Variants in SLC35F2 observed in about 807,000 individuals in gnomAD.
SLC35F2 encodes queuine/queuosine transporter SLC35F2.
In SLC35F2, 25 loss-of-function variants were observed where a neutral mutation model predicts 38.1. That is an observed-to-expected ratio of 0.66 (90% CI 0.48 to 0.92). SLC35F2 has a LOEUF of 0.92. SLC35F2 is among the 40% of genes least tolerant of loss of function. SLC35F2 has a pLI of 0.00. For missense variants in SLC35F2, 409 were observed against 452.9 expected (o/e 0.90, Z 0.88); for synonymous variants, 173 against 181.7 (o/e 0.95, Z 0.38).
chr11:107,794,083 C>CTTTT (rs10664346), intron 7 of SLC35F2, among the ~76,000 whole-genome samples: 1 of 137,978 alleles, frequency 7.2e-6, no homozygotes, highest in African/African-American at 2.7e-5. Flanking sequence ...TGTATTTTTT[C>CTTTT]TTTTTTTTTT....
intron 1 of SLC35F2, among the ~76,000 whole-genome samples, chr11:107,858,166 C>G (rs1309773300): frequency 6.6e-6 from 1 of 152,198 alleles, no homozygotes; most frequent in Non-Finnish European, 1.5e-5. Context: ...TGGTCTCCCA[C>G]CCGGCAGCAG....
At chr11:107,813,299 G>T (rs779484381) in intron 2 of SLC35F2, among the ~76,000 whole-genome samples, 1 of 152,008 alleles carries the variant, frequency 6.6e-6, no homozygotes, top group Non-Finnish European at 1.5e-5. Context: ...ACAAAAATTA[G>T]CTGGGCGTGG....
chr11:107,856,924 GGAA>G (rs1860297900), intron 1 of SLC35F2, among the ~76,000 whole-genome samples: 1 of 110,296 alleles, frequency 9.1e-6, no homozygotes, highest in Non-Finnish European at 1.9e-5. Context: ...AGGGAGGGAG[GGAA>G]AAGAGGGAAG....
In SLC35F2 at chr11:107,858,643, G is replaced by A. The variant is rs773962112; in HGVS notation, c.110+15C>T. 6.2e-6 allele frequency: 8 copies of A among 1,281,686 alleles called. No homozygotes were observed. In the African/African-American group the frequency reaches 7.6e-5, roughly 12 times the overall value. The allele number at this position is 1,281,686 out of a possible 1,614,324, so 79.4% of individuals were successfully genotyped here. A position where few individuals can be genotyped will look rare whatever the true frequency, so the allele number is the denominator to read the frequency against. The stretch of plus-strand genomic sequence containing the variant: ...CCACGCCCCAGCGGAGCTGCAGCAC[G>A]CCCCTTCCACTCACCAGGTGAAGAG... On this transcript the variant is annotated intron_variant, in intron 1 of 7. Transcript: ENST00000525815.
intron 3 of SLC35F2, chr11:107,810,831 A>C: frequency 1.0e-6 from 1 of 979,460 alleles, no homozygotes; most frequent in African/African-American, 1.7e-5. Flanking sequence ...GTCTAATTTC[A>C]ATTTTTCCAG....
chr11:107,807,271 C>CAAAAAAAAAAAAAAAA lies in SLC35F2; in HGVS notation c.415-396_415-395insTTTTTTTTTTTTTTTT, dbSNP rs201964530. On this transcript the variant is annotated intron_variant, in intron 3 of 7. Coordinates refer to ENST00000525815, the MANE Select transcript of SLC35F2 (RefSeq NM_017515.5). ...GCAACATGGTGAAACCCTGTCTGTA[C>CAAAAAAAAAAAAAAAA]AAAAAAAAAAAAAAACAACAACAAA... is the stretch of plus-strand genomic sequence containing the variant. Among the ~76,000 whole-genome samples, 75 of 70,740 alleles carry CAAAAAAAAAAAAAAAA rather than the reference C, an allele frequency of 1.1e-3. 2 individuals carry two copies. The highest frequency in any genetic ancestry group is 0.01 in the Middle Eastern group (1 of 96). 46.4% of individuals were successfully genotyped at this position (70,740 alleles called of 152,430 possible).
intron 1 of SLC35F2, chr11:107,816,185 G>A (rs1859571141): frequency 1.0e-6 from 1 of 985,152 alleles, no homozygotes; most frequent in Non-Finnish European, 1.2e-6. Flanking sequence ...TCCCACAAAA[G>A]CATATTCCCC....
At position 107,816,299 on chromosome 11, in the gene SLC35F2, T is replaced by G. The variant is rs1049325311; in HGVS notation, c.111-334A>C. The G allele has an allele frequency of 5.1e-6, 5 of 980,300 alleles. No individual in the cohort carries two copies. In the African/African-American group the frequency reaches 7.1e-5, roughly 14 times the overall value. 60.7% of individuals were successfully genotyped at this position (980,300 alleles called of 1,614,324 possible). ...GTGTGTGTGTATGACTTTTTTTTTTTGAGACAGGGTCTTGTTCTATTGCTC... is the reference window on the plus strand; with the variant it reads ...GTGTGTGTGTATGACTTTTTTTTTTGGAGACAGGGTCTTGTTCTATTGCTC... On this transcript the variant is annotated intron_variant, in intron 1 of 7. Coordinates refer to ENST00000525815, the MANE Select transcript of SLC35F2 (RefSeq NM_017515.5).
At chr11:107,805,270 T>C (rs1185283843) in intron 5 of SLC35F2, 89 bp downstream of exon 5, 1 of 1,446,154 alleles carries the variant, frequency 6.9e-7, no homozygotes, top group African/African-American at 1.4e-5. Context: ...CAAATGTGAA[T>C]TTGGGCCAAA....
At chr11:107,815,689 T>C in intron 2 of SLC35F2, 101 bp downstream of exon 2, 1 of 1,301,946 alleles carries the variant, frequency 7.7e-7, no homozygotes, top group Non-Finnish European at 1.1e-6. Flanking sequence ...TGTGCATAAG[T>C]CTCCAGTCAC....
At chr11:107,828,680 T>C (rs1445089185) in intron 1 of SLC35F2, among the ~76,000 whole-genome samples, 9 of 152,226 alleles carry the variant, frequency 5.9e-5, no homozygotes, top group Non-Finnish European at 8.8e-5. Flanking sequence ...AAATATCACT[T>C]TAGGAGCCCT....
intron 1 of SLC35F2, among the ~76,000 whole-genome samples, chr11:107,840,438 G>A (rs953030631): frequency 2.6e-5 from 4 of 152,204 alleles, no homozygotes; most frequent in Non-Finnish European, 5.9e-5. Context: ...CCTGCCCATT[G>A]AGGCAGAACA....
At chr11:107,834,267 G>A (rs994009686) in intron 1 of SLC35F2, among the ~76,000 whole-genome samples, 2 of 152,138 alleles carry the variant, frequency 1.3e-5, no homozygotes, top group African/African-American at 4.8e-5. Flanking sequence ...AGACAAACAG[G>A]GAAAATTTAA....
intron 1 of SLC35F2, chr11:107,821,559 T>C: frequency 1.0e-6 from 1 of 985,438 alleles, no homozygotes; most frequent in Non-Finnish European, 1.2e-6. Context: ...TTGTTACTTA[T>C]AGCTCCACTT....
chr11:107,813,242 C>T (rs182533551), intron 2 of SLC35F2, among the ~76,000 whole-genome samples: 2 of 152,008 alleles, frequency 1.3e-5, no homozygotes, highest in South Asian at 2.1e-4. Flanking sequence ...GTCAGGAGTT[C>T]GAGACCAGCC....
chr11:107,821,932 T>C (rs1357887735), intron 1 of SLC35F2, among the ~76,000 whole-genome samples: 1 of 152,206 alleles, frequency 6.6e-6, no homozygotes, highest in Non-Finnish European at 1.5e-5. Flanking sequence ...ATCTATTTTA[T>C]AACTTTAAGA....
At chr11:107,852,874 C>CAAA (rs11385907) in intron 1 of SLC35F2, among the ~76,000 whole-genome samples, 1 of 120,980 alleles carries the variant, frequency 8.3e-6, no homozygotes, top group Non-Finnish European at 1.7e-5. Context: ...GACTCCATCT[C>CAAA]AAAAAAAAAA....
At chr11:107,812,640 TAACA>T (rs1415545580) in intron 2 of SLC35F2, among the ~76,000 whole-genome samples, 11 of 152,338 alleles carry the variant, frequency 7.2e-5, no homozygotes, top group African/African-American at 2.6e-4. Flanking sequence ...TTTATCTATG[TAACA>T]AACCTGCACA....
chr11:107,841,558 C>CA lies in SLC35F2; in HGVS notation c.110+17099dup, dbSNP rs59699944. Reference sequence around the variant, plus strand: ...AGCCTAGACGAAAGAGACTCCAACTCAAAAAAAAAAAAAAAAAAAAGTACA... The same window carrying CA: ...AGCCTAGACGAAAGAGACTCCAACTCAAAAAAAAAAAAAAAAAAAAAGTACA... On this transcript the variant is annotated intron_variant, in intron 1 of 7. Coordinates refer to ENST00000525815, the MANE Select transcript of SLC35F2 (RefSeq NM_017515.5). Among the ~76,000 whole-genome samples the CA allele has an allele frequency of 1.6e-3, 157 of 95,490 alleles. 1 individual carries two copies. Among genetic ancestry groups the CA allele is most frequent in the African/African-American group, 5.6e-3 (140 of 25,082 alleles). The allele number at this position is 95,490 out of a possible 152,430, so 62.6% of individuals were successfully genotyped here.
Sources: allele counts gnomAD v4.1 joint callset (sites outside exome capture counted in the v4.1 genomes callset), GRCh38; gene constraint gnomAD v4.1.1; transcripts MANE v1.5; gene names NCBI Gene and HGNC (gene_info 2026-07-23, HGNC 2026-07-21).